The following HEATR5B variants were observed in gnomAD, a reference collection of about 807,000 sequenced individuals.
The protein encoded by HEATR5B is HEAT repeat-containing protein 5B.
In HEATR5B, 156 loss-of-function variants were observed where a neutral mutation model predicts 224.1. The ratio of observed to expected loss-of-function variants is 0.70; its 90% CI spans 0.61 to 0.80. The LOEUF (loss-of-function observed/expected upper bound fraction) is 0.80, where lower values mean the gene tolerates loss of function less well. Among genes scored for constraint, HEATR5B ranks in the 30% least tolerant of loss-of-function variants. HEATR5B has a pLI of 0.00. For synonymous variants in HEATR5B, 1,027 were observed against 893.0 expected (o/e 1.15, Z -2.68); for missense variants, 2,323 against 2,535.5 (o/e 0.92, Z 1.80).
chr2:37,079,383 C>A, intron 2 of HEATR5B, 52 bp from the exon 3 acceptor site: 1 of 955,440 alleles, frequency 1.0e-6, no homozygotes. Flanking sequence ...TTTTTTGTTA[C>A]CTTTTAATCA....
intron 16 of HEATR5B, among the ~76,000 whole-genome samples, chr2:37,056,126 ATT>A (rs376790979): frequency 6.8e-6 from 1 of 146,728 alleles, no homozygotes. Flanking sequence ...ATTATAATGC[ATT>A]TTTTTTTTTG....
At chr2:37,025,140 G>T (rs551366714) in intron 24 of HEATR5B, among the ~76,000 whole-genome samples, 91 of 152,110 alleles carry the variant, frequency 6.0e-4, no homozygotes, top group Non-Finnish European at 1.0e-3. Flanking sequence ...TGACTGTTCA[G>T]AATCAGAATG....
intron 35 of HEATR5B, among the ~76,000 whole-genome samples, chr2:36,986,801 G>C (rs939545783): frequency 6.6e-6 from 1 of 152,046 alleles, no homozygotes; most frequent in Non-Finnish European, 1.5e-5. Context: ...ACTTTTAGTA[G>C]AGACAGGGTT....
intron 20 of HEATR5B, among the ~76,000 whole-genome samples, chr2:37,038,920 G>GGGGGGGGGGGGGA (rs58707175): frequency 8.0e-6 from 1 of 124,668 alleles, no homozygotes; most frequent in Non-Finnish European, 1.7e-5. Flanking sequence ...GGGGGGTGGG[G>GGGGGGGGGGGGGA]AATCACATAT....
chr2:36,991,198 T>C (rs998559795), intron 33 of HEATR5B, among the ~76,000 whole-genome samples: 2 of 152,206 alleles, frequency 1.3e-5, no homozygotes, highest in Non-Finnish European at 2.9e-5. Context: ...CCTTTCAATT[T>C]AGTAAATATG....
intron 1 of HEATR5B, among the ~76,000 whole-genome samples, chr2:37,083,772 A>G (rs1408052507): frequency 6.6e-6 from 1 of 152,228 alleles, no homozygotes; most frequent in Non-Finnish European, 1.5e-5. Flanking sequence ...ACTAAGATCA[A>G]ACACCCCAGC....
At chr2:37,011,285 G>A (rs1445480810) in intron 27 of HEATR5B, among the ~76,000 whole-genome samples, 1 of 152,208 alleles carries the variant, frequency 6.6e-6, no homozygotes, top group Non-Finnish European at 1.5e-5. Context: ...AACAGCCAGA[G>A]CAAGAGCACA....
chr2:37,071,607 A>G (rs2540993), intron 6 of HEATR5B, among the ~76,000 whole-genome samples: 10,071 of 152,232 alleles, frequency 0.066, 1,096 homozygotes, highest in African/African-American at 0.23. Context: ...TATGTCCAGC[A>G]TAATTGCTAG....
chr2:37,075,111 T>C (rs185023864), intron 5 of HEATR5B, among the ~76,000 whole-genome samples: 1 of 152,350 alleles, frequency 6.6e-6, no homozygotes, highest in East Asian at 1.9e-4. Flanking sequence ...AAAACTTATA[T>C]ACAGATGTTC....
intron 21 of HEATR5B, among the ~76,000 whole-genome samples, chr2:37,036,759 G>T (rs961614931): frequency 4.6e-5 from 7 of 151,858 alleles, no homozygotes; most frequent in Admixed American, 2.6e-4. Context: ...TGATCCCCCC[G>T]CCTTGGCCTC....
At chr2:37,001,733 G>A (rs1011406451) in intron 32 of HEATR5B, among the ~76,000 whole-genome samples, 9 of 151,118 alleles carry the variant, frequency 6.0e-5, no homozygotes, top group Admixed American at 3.3e-4. Flanking sequence ...GCGTGATCTC[G>A]GCTCACTGCA....
At chr2:37,054,465 G>C (rs2148538615) in intron 16 of HEATR5B, among the ~76,000 whole-genome samples, 1 of 136,024 alleles carries the variant, frequency 7.4e-6, no homozygotes, top group East Asian at 2.3e-4. Context: ...ACAGGCGTGA[G>C]CCACTGTGCT....
intron 14 of HEATR5B, among the ~76,000 whole-genome samples, chr2:37,058,218 G>T (rs1671033497): frequency 6.6e-6 from 1 of 152,012 alleles, no homozygotes; most frequent in Non-Finnish European, 1.5e-5. Context: ...ATAAAATAGG[G>T]CTAAAGGCCT....
At chr2:37,079,946 C>T (rs981866441) in intron 2 of HEATR5B, among the ~76,000 whole-genome samples, 3 of 152,124 alleles carry the variant, frequency 2.0e-5, no homozygotes, top group African/African-American at 7.2e-5. Flanking sequence ...ACAGAGTTTA[C>T]CAAACAAACA....
chr2:37,040,319 A>G lies in HEATR5B; in HGVS notation c.3046+10T>C. On this transcript the variant is annotated intron_variant, in intron 20 of 35. Transcript: ENST00000233099. ...TAACTAGGTTCCTTAATTTCAGATGATTTACTTACCTTGTAGTTCAGGGCC... is the reference window on the plus strand; with the variant it reads ...TAACTAGGTTCCTTAATTTCAGATGGTTTACTTACCTTGTAGTTCAGGGCC... 2 of 1,603,514 alleles carry G rather than the reference A, an allele frequency of 1.2e-6. No individual in the cohort carries two copies. Among genetic ancestry groups the G allele is most frequent in the Non-Finnish European group, 1.7e-6 (2 of 1,173,842 alleles).
In HEATR5B at chr2:37,041,208, G is replaced by C; in HGVS notation, c.2781C>G (p.Gly927=). 2.5e-6 allele frequency: 4 copies of C among 1,613,908 alleles called. No individual in the cohort carries two copies. The highest frequency in any genetic ancestry group is 3.4e-6 in the Non-Finnish European group (4 of 1,179,860). The change falls in exon 19 of 36, where the codon GGC becomes GGG. Residue 927 remains glycine, a synonymous_variant. Coordinates refer to ENST00000233099, the MANE Select transcript of HEATR5B (RefSeq NM_019024.3). ...CACTGGTCTTCAGATGTTGTCCTGA[G>C]CCTATTCCACCAACATAACGATGCA... is the stretch of plus-strand genomic sequence containing the variant. ...GCLHRYVGGI[G]SGQHLKTSVS...
intron 27 of HEATR5B, among the ~76,000 whole-genome samples, chr2:37,013,149 T>C (rs918877087): frequency 1.3e-5 from 2 of 152,206 alleles, no homozygotes; most frequent in African/African-American, 4.8e-5. Context: ...ACTCCAATAG[T>C]CTTCCCTTAA....
At chr2:37,079,094 G>C in intron 3 of HEATR5B, 26 bp downstream of exon 3, 2 of 1,390,132 alleles carry the variant, frequency 1.4e-6, no homozygotes, top group Middle Eastern at 2.4e-4. Context: ...AAAACTTCAA[G>C]GGCCCCTATT....
chr2:37,018,518 T>G (rs1283448779), intron 26 of HEATR5B, among the ~76,000 whole-genome samples: 1 of 152,232 alleles, frequency 6.6e-6, no homozygotes, highest in Admixed American at 6.5e-5. Flanking sequence ...TTAATTTCTC[T>G]GAAGACTGCC....
Sources: allele counts gnomAD v4.1 joint callset (sites outside exome capture counted in the v4.1 genomes callset), GRCh38; gene constraint gnomAD v4.1.1; transcripts MANE v1.5; gene names NCBI Gene and HGNC (gene_info 2026-07-23, HGNC 2026-07-21).